The following ADGRG2 variants were observed in gnomAD, a reference collection of about 807,000 sequenced individuals.
The protein encoded by ADGRG2 is G protein-coupled receptor 64.
A neutral mutation model predicts 74.1 loss-of-function variants in ADGRG2; 26 were observed. The observed-to-expected ratio is 0.35, with a 90% CI of 0.26 to 0.49. The LOEUF is 0.49. ADGRG2 is among the 20% of genes least tolerant of loss of function. The pLI is 0.99. For synonymous variants in ADGRG2, 296 were observed against 295.2 expected (o/e 1.00, Z -0.03); for missense variants, 619 against 763.1 (o/e 0.81, Z 2.22).
At chrX:19,121,917 G>A (rs1233607786) in intron 1 of ADGRG2, among the ~76,000 whole-genome samples, 1 of 111,660 alleles carries the variant, frequency 9.0e-6, no homozygotes, top group Admixed American at 9.3e-5. Flanking sequence ...CCCTGGCTCC[G>A]GGCCGCCGCT....
chrX:19,006,412 T>C, intron 20 of ADGRG2, 147 bp from the exon 21 acceptor site: 1 of 472,987 alleles, frequency 2.1e-6, no homozygotes, highest in South Asian at 3.2e-5. Context: ...GTTCTTATTT[T>C]ATATGGTCCC....
chrX:19,016,643 C>T (rs2060476366), intron 15 of ADGRG2, among the ~76,000 whole-genome samples: 1 of 107,347 alleles, frequency 9.3e-6, no homozygotes, highest in Non-Finnish European at 1.9e-5. Flanking sequence ...GCGCTGCACC[C>T]ACTAACTCGT....
intron 1 of ADGRG2, among the ~76,000 whole-genome samples, chrX:19,096,958 A>T (rs1294555164): frequency 8.9e-6 from 1 of 112,190 alleles, no homozygotes; most frequent in Non-Finnish European, 1.9e-5. Context: ...GGCACCAGGC[A>T]CTCTGCAAAT....
At chrX:19,028,160 TA>T in intron 10 of ADGRG2, 22 bp downstream of exon 10, 16 of 869,297 alleles carry the variant, frequency 1.8e-5, no homozygotes, top group Non-Finnish European at 2.5e-5. Context: ...AAGATTGCAG[TA>T]AAAAAAATCT....
At chrX:19,021,238 G>A in intron 13 of ADGRG2, 40 bp from the exon 14 acceptor site, 1 of 694,402 alleles carries the variant, frequency 1.4e-6, no homozygotes, top group Non-Finnish European at 2.3e-6. Flanking sequence ...GTTACTAAAT[G>A]GGAAACCTAC....
chrX:19,103,676 G>T (rs1342548203), intron 1 of ADGRG2, among the ~76,000 whole-genome samples: 7 of 111,158 alleles, frequency 6.3e-5, no homozygotes, highest in Non-Finnish European at 1.3e-4. Flanking sequence ...GATACCACGT[G>T]TACTCTCAAA....
intron 4 of ADGRG2, among the ~76,000 whole-genome samples, chrX:19,038,377 C>T (rs936762486): frequency 3.6e-5 from 4 of 112,160 alleles, no homozygotes; most frequent in Non-Finnish European, 7.5e-5. Context: ...TGTCAAGGCA[C>T]TTTGGCTGGC....
chrX:19,076,118 T>C (rs186900396), intron 2 of ADGRG2, among the ~76,000 whole-genome samples: 37 of 112,313 alleles, frequency 3.3e-4, no homozygotes, highest in Admixed American at 1.1e-3. Context: ...CCCCCTCTCC[T>C]GCATGCATGT....
At chrX:19,014,718 C>T (rs952826791) in intron 15 of ADGRG2, among the ~76,000 whole-genome samples, 4 of 111,354 alleles carry the variant, frequency 3.6e-5, no homozygotes, top group South Asian at 7.7e-4. Flanking sequence ...CTGCAACCTC[C>T]GCCTCCTGGG....
At chrX:19,024,731 T>C (rs943941004) in intron 11 of ADGRG2, among the ~76,000 whole-genome samples, 2 of 111,607 alleles carry the variant, frequency 1.8e-5, no homozygotes, top group African/African-American at 6.5e-5. Flanking sequence ...AAGTCAAGAG[T>C]GCCAAGGTTG....
chrX:19,009,599 T>G, intron 18 of ADGRG2, 27 bp downstream of exon 18: 1 of 1,182,940 alleles, frequency 8.5e-7, no homozygotes, highest in Non-Finnish European at 1.2e-6. Flanking sequence ...AAGAGAATGT[T>G]TTTTTCTGCC....
Position 19,038,421 on chromosome X carries a change from C to T in ADGRG2, c.155-785G>A, listed in dbSNP as rs369688088. On this transcript the variant is annotated intron_variant, in intron 4 of 28. Transcript: ENST00000379869. ...GACTGCTCTTGTGTTGGCTGAAACACACACACCCTGTCTGTCCACATTATT... is the reference window on the plus strand; with the variant it reads ...GACTGCTCTTGTGTTGGCTGAAACATACACACCCTGTCTGTCCACATTATT... Among the ~76,000 whole-genome samples, 6 of 112,128 alleles carry T rather than the reference C, an allele frequency of 5.4e-5. No individual in the cohort carries two copies. The East Asian group carries it at 8.4e-4, about 16-fold the overall frequency.
intron 1 of ADGRG2, among the ~76,000 whole-genome samples, chrX:19,107,247 T>G (rs181623258): frequency 1.8e-5 from 2 of 112,392 alleles, no homozygotes; most frequent in African/African-American, 6.5e-5. Context: ...AGGCAATCGT[T>G]TTGCATGTTG....
chrX:19,112,792 T>C (rs927724799), intron 1 of ADGRG2, among the ~76,000 whole-genome samples: 1 of 108,162 alleles, frequency 9.2e-6, no homozygotes, highest in Admixed American at 1.0e-4. Flanking sequence ...ACCCCGTCTC[T>C]ACTAAAAATA....
rs1417806682 is a variant in ADGRG2 at position 19,068,720 on chromosome X, C to T, written c.115G>A (p.Glu39Lys). 1.1e-6 allele frequency: 1 copy of T among 942,706 alleles called. No homozygotes were observed. The highest frequency in any genetic ancestry group is 3.2e-5 in the East Asian group (1 of 31,099). 77.7% of individuals were successfully genotyped at this position (942,706 alleles called of 1,213,427 possible). Residue 39 changes from glutamate (E) to lysine (K), a missense_variant, in exon 3 of 29, where the codon GAA (glutamate) becomes AAA (lysine). By Grantham distance (56) the Glu-to-Lys change is moderately conservative. Around this residue, in one of 3 missense-constraint regions of ADGRG2, gnomAD observed 292 missense variants for 318.0 expected, o/e 0.92. Coordinates refer to ENST00000379869, the MANE Select transcript of ADGRG2 (RefSeq NM_001079858.3). ...TGAAGAAAAACAGACACATTACCTT[C>T]CAGGGATGTTACCAGAACGACATGA... ...CLHVVLVTSL[E>K]EDTDNSSLSP... is the part of the protein sequence containing the mutation.
At chrX:19,116,718 G>A (rs943760600) in intron 1 of ADGRG2, among the ~76,000 whole-genome samples, 2 of 110,831 alleles carry the variant, frequency 1.8e-5, no homozygotes, top group African/African-American at 6.6e-5. Context: ...CATCATAGCA[G>A]GATCTGATAT....
At chrX:19,036,032 G>A (rs1264062257) in intron 6 of ADGRG2, 55 bp from the exon 7 acceptor site, 1 of 589,569 alleles carries the variant, frequency 1.7e-6, no homozygotes, top group Non-Finnish European at 2.7e-6. Flanking sequence ...ACAAACATGT[G>A]TGTCTTCCTA....
chrX:19,037,244 T>TA (rs932317665), intron 6 of ADGRG2, among the ~76,000 whole-genome samples: 1 of 112,066 alleles, frequency 8.9e-6, no homozygotes, highest in Non-Finnish European at 1.9e-5. Flanking sequence ...AGCTAACAAT[T>TA]AGAGTGGTGG....
intron 1 of ADGRG2, among the ~76,000 whole-genome samples, chrX:19,108,226 G>C (rs2062349424): frequency 9.0e-6 from 1 of 110,544 alleles, no homozygotes; most frequent in African/African-American, 3.3e-5. Flanking sequence ...CAGCAGTTTA[G>C]GAAGCTGAGG....
Sources: allele counts gnomAD v4.1 joint callset (sites outside exome capture counted in the v4.1 genomes callset), GRCh38; gene constraint gnomAD v4.1.1; regional missense constraint gnomAD v4.1.1; transcripts MANE v1.5; gene names NCBI Gene and HGNC (gene_info 2026-07-23, HGNC 2026-07-21).